Variants in PSD2 observed in about 807,000 individuals in gnomAD.
PSD2 encodes the protein PH and SEC7 domain-containing protein 2.
PSD2 carries 38 observed loss-of-function variants against 69.8 expected under a neutral mutation model. That is an observed-to-expected ratio of 0.54 (90% CI 0.42 to 0.71). The LOEUF is 0.71. Ranked by LOEUF, PSD2 falls within the 30% of genes least tolerant of loss-of-function variation. PSD2 has a pLI of 0.00. For synonymous variants in PSD2, 412 were observed against 423.0 expected, an observed-to-expected ratio of 0.97 and a Z score of 0.32; for missense variants, 943 against 1,014.5, an observed-to-expected ratio of 0.93 and a Z score of 0.96.
chr5:139,811,957 G>C (rs1001826386), intron 2 of PSD2, among the ~76,000 whole-genome samples: 7 of 151,982 alleles, frequency 4.6e-5, no homozygotes, highest in Non-Finnish European at 1.0e-4. Flanking sequence ...CCTTTCCTCT[G>C]TCTCTTTCTT....
At chr5:139,755,553 T>G in the PSD2 span, among the ~76,000 whole-genome samples, 1 of 152,078 alleles carries the variant, frequency 6.6e-6, no homozygotes, top group African/African-American at 2.4e-5. Context: ...TCCCTATTTG[T>G]CTCTGTGTGT....
intron 5 of PSD2, among the ~76,000 whole-genome samples, chr5:139,818,578 CA>C (rs1203252649): frequency 6.6e-6 from 1 of 152,050 alleles, no homozygotes; most frequent in Non-Finnish European, 1.5e-5. Flanking sequence ...AAACCACATA[CA>C]AAAAAAGTAA....
chr5:139,820,779 C>T (rs1228749020), intron 5 of PSD2, among the ~76,000 whole-genome samples: 1 of 152,136 alleles, frequency 6.6e-6, no homozygotes. Flanking sequence ...AAGGCCTGGC[C>T]TGCTCTGAGG....
In PSD2 at chr5:139,814,328, T is replaced by C; in HGVS notation, c.980T>C (p.Phe327Ser). 6.2e-7 allele frequency: 1 copy of C among 1,610,934 alleles called. No individual in the cohort carries two copies. The highest frequency in any genetic ancestry group is 8.5e-7 in the Non-Finnish European group (1 of 1,178,812). Residue 327 changes from phenylalanine to serine, a missense_variant, in exon 4 of 15, where the codon TTC becomes TCC. This residue lies in a region of PSD2 where 466 missense variants were observed against 445.0 expected (regional missense o/e 1.05). Transcript: ENST00000274710. This position sits in a 1 kb window ranked among gnomAD's most constrained non-coding sequence, Gnocchi z 4.4. ...LARRLYHLEG[F>S]QRCDVARQLG... is the part of the protein sequence containing the mutation. ...CGCCGTCTCTACCACCTCGAGGGCT[T>C]CCAGCGCTGTGATGTGGCCCGGCAG... is the stretch of plus-strand genomic sequence containing the variant.
chr5:139,764,353 A>G, the PSD2 span, among the ~76,000 whole-genome samples: 137 of 152,254 alleles, frequency 9.0e-4, no homozygotes, highest in Middle Eastern at 0.01. Context: ...CTTGGGCTGC[A>G]GTTCCGCCTG....
the PSD2 span, among the ~76,000 whole-genome samples, chr5:139,754,188 T>C: frequency 2.0e-5 from 3 of 151,860 alleles, no homozygotes; most frequent in Non-Finnish European, 4.4e-5. Flanking sequence ...TTAAGAGGGG[T>C]TGGGCATGAT....
At chr5:139,763,066 G>A in the PSD2 span, among the ~76,000 whole-genome samples, 1 of 152,170 alleles carries the variant, frequency 6.6e-6, no homozygotes, top group Non-Finnish European at 1.5e-5. Flanking sequence ...TGTTGGGTGA[G>A]GGGGAGGTTA....
chr5:139,809,440 C>T lies in PSD2; in HGVS notation c.-1C>T. ...CAGGACAGGCGGAAGCAGTGGCTGC[C>T]ATGGAGGAGGACAAGCTCTTATCTG... On this transcript the variant is annotated 5_prime_UTR_variant, in exon 2 of 15. Coordinates refer to ENST00000274710, the MANE Select transcript of PSD2 (RefSeq NM_032289.4). 1 of 1,610,078 alleles carries T rather than the reference C, an allele frequency of 6.2e-7. No homozygotes were observed. Among genetic ancestry groups the T allele is most frequent in the Non-Finnish European group, 8.5e-7 (1 of 1,179,050 alleles).
the PSD2 span, among the ~76,000 whole-genome samples, chr5:139,749,801 G>C: frequency 6.6e-6 from 1 of 151,302 alleles, no homozygotes; most frequent in Admixed American, 6.6e-5. Context: ...TTTGAGACCA[G>C]CTTGGGCAAC....
the PSD2 span, among the ~76,000 whole-genome samples, chr5:139,749,289 C>G: frequency 6.6e-6 from 1 of 152,230 alleles, no homozygotes; most frequent in Non-Finnish European, 1.5e-5. Context: ...CTGCCCAGCC[C>G]TCCAGGATCC....
the PSD2 span, among the ~76,000 whole-genome samples, chr5:139,781,108 T>A: frequency 1.1e-4 from 16 of 152,308 alleles, no homozygotes; most frequent in Middle Eastern, 0.01. Context: ...TGCCTCTAAT[T>A]CTTCATTCAA....
At chr5:139,825,973 A>T (rs1429306475) in intron 7 of PSD2, among the ~76,000 whole-genome samples, 1 of 152,180 alleles carries the variant, frequency 6.6e-6, no homozygotes, top group Non-Finnish European at 1.5e-5. Context: ...GCATCCAGGG[A>T]TGTCGGAGGA....
intron 6 of PSD2, 119 bp from the exon 7 acceptor site, chr5:139,822,607 A>C: frequency 1.3e-6 from 1 of 765,870 alleles, no homozygotes; most frequent in African/African-American, 1.8e-5. Context: ...CCCTGAGGTG[A>C]GTTTGGCAGG....
intron 1 of PSD2, among the ~76,000 whole-genome samples, chr5:139,805,961 G>A (rs2126930206): frequency 6.6e-6 from 1 of 152,306 alleles, no homozygotes; most frequent in East Asian, 1.9e-4. Context: ...GGGAGAGTGA[G>A]GAGGGGGACA....
At chr5:139,743,489 T>TG in the PSD2 span, among the ~76,000 whole-genome samples, 136 of 151,716 alleles carry the variant, frequency 9.0e-4, no homozygotes, top group Middle Eastern at 3.4e-3. Context: ...GGTGAGAGGC[T>TG]GTCTGAGTTT....
the PSD2 span, among the ~76,000 whole-genome samples, chr5:139,742,757 A>T: frequency 2.0e-5 from 3 of 152,074 alleles, no homozygotes; most frequent in African/African-American, 7.2e-5. Flanking sequence ...TGTGTGAATG[A>T]GTGTGTGAGT....
At chr5:139,807,239 C>A (rs1759831825) in intron 1 of PSD2, among the ~76,000 whole-genome samples, 1 of 152,218 alleles carries the variant, frequency 6.6e-6, no homozygotes, top group Non-Finnish European at 1.5e-5. Context: ...CGGGTTGAAA[C>A]CCTGTGCCCC....
At chr5:139,813,034 CTT>C (rs1760011409) in intron 2 of PSD2, among the ~76,000 whole-genome samples, 1 of 152,098 alleles carries the variant, frequency 6.6e-6, no homozygotes, top group Non-Finnish European at 1.5e-5. Context: ...GGGACTGGGG[CTT>C]CTTAGAGCAC....
intron 7 of PSD2, among the ~76,000 whole-genome samples, chr5:139,829,475 C>T (rs1760514139): frequency 6.6e-6 from 1 of 152,210 alleles, no homozygotes; most frequent in Admixed American, 6.5e-5. Flanking sequence ...ACCCCATACC[C>T]ATCAGCAGTC....
Sources: allele counts gnomAD v4.1 joint callset (sites outside exome capture counted in the v4.1 genomes callset), GRCh38; gene constraint gnomAD v4.1.1; regional missense constraint gnomAD v4.1.1; non-coding constraint Gnocchi (gnomAD v3.1); transcripts MANE v1.5; gene names NCBI Gene and HGNC (gene_info 2026-07-23, HGNC 2026-07-21).